Variants in UNC119 observed in about 807,000 individuals in gnomAD.
UNC119 encodes the protein protein unc-119 homolog A.
UNC119 carries 15 observed loss-of-function variants against 22.6 expected under a neutral mutation model. The ratio of observed to expected loss-of-function variants is 0.66; its 90% CI spans 0.44 to 1.02. The LOEUF is 1.02. Among genes scored for constraint, UNC119 ranks in the 50% least tolerant of loss-of-function variants. The pLI is 0.00. For missense variants in UNC119, 322 were observed against 336.0 expected (o/e 0.96, Z 0.33); for synonymous variants, 138 against 139.4 (o/e 0.99, Z 0.07).
At position 28,551,738 on chromosome 17, in the gene UNC119, G is replaced by A. The variant is rs914361447; in HGVS notation, c.220+600C>T. 3.6e-5 allele frequency: 6 copies of A among 167,202 alleles called. No individual in the cohort carries two copies. In the Admixed American group the frequency reaches 3.8e-4, roughly 11 times the overall value. The allele number at this position is 167,202 out of a possible 1,614,324, so 10.4% of individuals were successfully genotyped here. A position where few individuals can be genotyped will look rare whatever the true frequency, so the allele number is the denominator to read the frequency against. On this transcript the variant is annotated intron_variant, in intron 1 of 4. Transcript: ENST00000335765. ...ATGACAGAGCCCCCAGAAGAGGACA[G>A]GTGCTAGTCCAGGCTTGGAGGGACA...
rs766962030 is a variant in UNC119, at chr17:28,547,413, C to A, written c.611-4G>T. 3 of 1,614,118 alleles carry A rather than the reference C, an allele frequency of 1.9e-6. No homozygotes were observed. ...GGGTGGCGGATCATCTCGCTGACTG[C>A]AAGAGAGGCCCAGCCAGGCCGGGCA... On this transcript the variant is annotated splice_region_variant and splice_polypyrimidine_tract_variant and intron_variant, in intron 4 of 4. Coordinates refer to ENST00000335765, the MANE Select transcript of UNC119 (RefSeq NM_005148.4).
rs1159056827 is a variant in UNC119, at chr17:28,552,335, C to T, written c.220+3G>A. ...CGGGCGGCGCTCCCTCGCGGGTGCT[C>T]ACCACCGGTGATCCGCTGCAGCCCC... On this transcript the variant is annotated splice_donor_region_variant and intron_variant, in intron 1 of 4. Transcript: ENST00000335765. The T allele has an allele frequency of 2.0e-6, 3 of 1,534,798 alleles. No individual in the cohort carries two copies. Among genetic ancestry groups the T allele is most frequent in the Admixed American group, 2.0e-5 (1 of 51,076 alleles).
At position 28,548,624 on chromosome 17, in the gene UNC119, A is replaced by C; in HGVS notation, c.302T>G (p.Val101Gly). 6.2e-7 allele frequency: 1 copy of C among 1,614,166 alleles called. No homozygotes were observed. ...FKIRDMDSGT[V>G]LFEIKKPPVS... ...TGGGGGCTTCTTGATTTCAAAGAGG[A>C]CAGTGCCTGAGTCCATGTCCCGAAT... The change falls in exon 2 of 5, where the codon GTC becomes GGC. Residue 101 changes from valine to glycine, a missense_variant. Transcript: ENST00000335765.
Position 28,547,335 on chromosome 17 carries a change from G to C in UNC119, c.685C>G (p.His229Asp). 2 of 1,614,174 alleles carry C rather than the reference G, an allele frequency of 1.2e-6. No homozygotes were observed. Among genetic ancestry groups the C allele is most frequent in the Non-Finnish European group, 1.7e-6 (2 of 1,180,014 alleles). The change falls in exon 5 of 5, where the codon CAC (histidine) becomes GAC (aspartate). Residue 229 changes from histidine to aspartate, a missense_variant. His to Asp is a moderately conservative substitution (Grantham distance 81). Transcript: ENST00000335765. ...CTGTAGGAATAGTCTGCTTTATTGT[G>C]CATCACCAGCCGGTCATCCACGAAG... ...FYFVDDRLVM[H>D]NKADYSYSGT...
At chr17:28,552,628 G>C, upstream of UNC119, 1 of 1,372,816 alleles carries the variant, frequency 7.3e-7, no homozygotes, top group East Asian at 3.0e-5. Context: ...GGGGAAGTGG[G>C]AGCATCCGCA....
In UNC119 at chr17:28,548,077, T is replaced by C; in HGVS notation, c.359A>G (p.Asp120Gly). The C allele has an allele frequency of 1.2e-6, 2 of 1,613,654 alleles. No homozygotes were observed. The highest frequency in any genetic ancestry group is 1.7e-6 in the Non-Finnish European group (2 of 1,179,962). ...AAAGCGCCCAGCATTGGGGTCCAGG[T>C]CCCGCCGGTTGATGGGCAACCGTTC... ...VSERLPINRR[D>G]LDPNAGRFVR... The change falls in exon 3 of 5, where the codon GAC (aspartate) becomes GGC (glycine). Residue 120 changes from aspartate to glycine, a missense_variant. Coordinates refer to ENST00000335765, the MANE Select transcript of UNC119 (RefSeq NM_005148.4).
intron 2 of UNC119, among the ~76,000 whole-genome samples, chr17:28,548,335 G>A (rs923638677): frequency 3.9e-5 from 6 of 152,210 alleles, no homozygotes; most frequent in Non-Finnish European, 8.8e-5. Flanking sequence ...CCTGGGACCC[G>A]TAGGACTGCA....
chr17:28,547,696 G>T lies in UNC119; in HGVS notation c.591C>A (p.Pro197=). The T allele has an allele frequency of 6.2e-7, 1 of 1,614,212 alleles. No individual in the cohort carries two copies. Among genetic ancestry groups the T allele is most frequent in the Non-Finnish European group, 8.5e-7 (1 of 1,180,044 alleles). ...GCGCACTCAGCTCCTCGGAGAGAGG[G>T]GGGAAGTCGTAAATGTGCTCGCAGG... is the stretch of plus-strand genomic sequence containing the variant. The part of the protein sequence containing the change: ...KNTCEHIYDF[P]PLSEELISEM... Residue 197 remains proline, a synonymous_variant, in exon 4 of 5, where the codon CCC becomes CCA. Transcript: ENST00000335765.
chr17:28,548,147 C>G, intron 2 of UNC119, 46 bp from the exon 3 acceptor site: 1 of 1,562,904 alleles, frequency 6.4e-7, no homozygotes, highest in Non-Finnish European at 8.7e-7. Flanking sequence ...AGGCTGGGCC[C>G]TTGTCCACCC....
chr17:28,547,852 G>A lies in UNC119; in HGVS notation c.438-3C>T. On this transcript the variant is annotated splice_polypyrimidine_tract_variant and splice_region_variant and intron_variant, in intron 3 of 4. Transcript: ENST00000335765. Reference sequence around the variant, plus strand: ...TGTCTCCCACTGTGAACTCCACCCTGAGCAAGAAAAGGAGGCAGGGCTAAG... The same window carrying A: ...TGTCTCCCACTGTGAACTCCACCCTAAGCAAGAAAAGGAGGCAGGGCTAAG... 6.2e-6 allele frequency: 10 copies of A among 1,614,034 alleles called. No individual in the cohort carries two copies. Among genetic ancestry groups the A allele is most frequent in the Non-Finnish European group, 7.6e-6 (9 of 1,179,956 alleles).
chr17:28,548,636 T>C lies in UNC119; in HGVS notation c.290A>G (p.Asp97Gly). 6.2e-7 allele frequency: 1 copy of C among 1,614,124 alleles called. No homozygotes were observed. The highest frequency in any genetic ancestry group is 1.1e-5 in the South Asian group (1 of 91,078). Reference sequence around the variant, plus strand: ...GATTTCAAAGAGGACAGTGCCTGAGTCCATGTCCCGAATCTTAAACCTGAC... The same window carrying C: ...GATTTCAAAGAGGACAGTGCCTGAGCCCATGTCCCGAATCTTAAACCTGAC... Reference protein sequence around the residue: ...DFVRFKIRDMDSGTVLFEIKK... With the variant: ...DFVRFKIRDMGSGTVLFEIKK... The change falls in exon 2 of 5, where the codon GAC becomes GGC. Residue 97 changes from aspartate (D) to glycine (G), a missense_variant. Asp to Gly is a moderately conservative substitution (Grantham distance 94). Transcript: ENST00000335765.
At position 28,547,780 on chromosome 17, in the gene UNC119, G is replaced by A. The variant is rs1199112731; in HGVS notation, c.507C>T (p.Asn169=). 3.1e-6 allele frequency: 5 copies of A among 1,614,108 alleles called. No homozygotes were observed. In the African/African-American group the frequency reaches 6.7e-5, roughly 22 times the overall value. Residue 169 remains asparagine, a synonymous_variant, in exon 4 of 5, where the codon AAC becomes AAT. Coordinates refer to ENST00000335765, the MANE Select transcript of UNC119 (RefSeq NM_005148.4). ...GGAAGTCGAAGCTTTTGAGTAGCTG[G>A]TTGCGGAAGTAGTGCCTCTCGATCA... ...FRMIERHYFR[N]QLLKSFDFHF... is the part of the protein sequence containing the mutation.
In UNC119 at chr17:28,552,577, TCGCCTGCTGCTGCCGCCGCTGCCTG is replaced by T. The variant is rs1187227826; in HGVS notation, c.-45_-21del. 1.5e-5 allele frequency: 22 copies of T among 1,490,266 alleles called. No individual in the cohort carries two copies. Among genetic ancestry groups the T allele is most frequent in the African/African-American group, 2.9e-5 (2 of 68,236 alleles). The allele number at this position is 1,490,266 out of a possible 1,614,324, so 92.3% of individuals were successfully genotyped here. ...CTTCATGGCCTTGCGGGGCCGAGGC[TCGCCTGCTGCTGCCGCCGCTGCCTG>T]CGCCGGCTGGAGCCGGGGGAAGTGG... On this transcript the variant is annotated 5_prime_UTR_variant, in exon 1 of 5. Coordinates refer to ENST00000335765, the MANE Select transcript of UNC119 (RefSeq NM_005148.4).
At position 28,547,660 on chromosome 17, in the gene UNC119, A is replaced by T; in HGVS notation, c.610+17T>A. On this transcript the variant is annotated intron_variant, in intron 4 of 4. Coordinates refer to ENST00000335765, the MANE Select transcript of UNC119 (RefSeq NM_005148.4). Reference sequence around the variant, plus strand: ...ACGCCCCCACTTCCCCACTCCCAGAAGACCCTGCCCGCGCACTCAGCTCCT... The same window carrying T: ...ACGCCCCCACTTCCCCACTCCCAGATGACCCTGCCCGCGCACTCAGCTCCT... 1 of 1,614,166 alleles carries T rather than the reference A, an allele frequency of 6.2e-7. No individual in the cohort carries two copies. The highest frequency in any genetic ancestry group is 8.5e-7 in the Non-Finnish European group (1 of 1,180,028).
chr17:28,548,461 T>C, intron 2 of UNC119, 131 bp downstream of exon 2: 1 of 752,816 alleles, frequency 1.3e-6, no homozygotes, highest in South Asian at 1.6e-5. Context: ...CCCCCCTGCC[T>C]GCAGACTCCT....
intron 4 of UNC119, 115 bp downstream of exon 4, chr17:28,547,561 CA>C: frequency 6.2e-7 from 1 of 1,600,758 alleles, no homozygotes; most frequent in African/African-American, 1.3e-5. Flanking sequence ...GTGGCAGACA[CA>C]GAAGAGCCCC....
At chr17:28,551,328 C>T (rs1034385757) in intron 1 of UNC119, 1 of 152,182 alleles carries the variant, frequency 6.6e-6, no homozygotes, top group African/African-American at 2.4e-5. Flanking sequence ...TCCTTTGAGG[C>T]TCATCCAAAG....
chr17:28,552,392 T>C lies in UNC119; in HGVS notation c.166A>G (p.Arg56Gly), dbSNP rs2070284354. ...TCCTCCGGCCCGATCGGCTGCTTCC[T>C]CTGCAGCGGCCCCGGCCTGGGCCCT... ...GPGPRPGPLQ[R>G]KQPIGPEDVL... The change falls in exon 1 of 5, where the codon AGG (arginine) becomes GGG (glycine). Residue 56 changes from arginine to glycine, a missense_variant. Transcript: ENST00000335765. The C allele has an allele frequency of 6.4e-7, 1 of 1,552,074 alleles. No homozygotes were observed. The highest frequency in any genetic ancestry group is 2.4e-5 in the East Asian group (1 of 42,084).
At chr17:28,548,250 T>G in intron 2 of UNC119, 149 bp from the exon 3 acceptor site, 1 of 735,712 alleles carries the variant, frequency 1.4e-6, no homozygotes, top group Non-Finnish European at 2.2e-6. Flanking sequence ...ATTGGCCAAA[T>G]AGTGCCACCT....
Sources: allele counts gnomAD v4.1 joint callset (sites outside exome capture counted in the v4.1 genomes callset), GRCh38; gene constraint gnomAD v4.1.1; transcripts MANE v1.5; gene names NCBI Gene and HGNC (gene_info 2026-07-23, HGNC 2026-07-21).